USH2A: variants seen among roughly 807,000 people sequenced by gnomAD.
USH2A encodes usherin.
USH2A carries 443 observed loss-of-function variants against 538.9 expected under a neutral mutation model. The observed-to-expected ratio is 0.82, with a 90% confidence interval of 0.76 to 0.89. The LOEUF (loss-of-function observed/expected upper bound fraction) is 0.89, where lower values mean the gene tolerates loss of function less well. USH2A is among the 40% of genes least tolerant of loss of function. USH2A has a pLI of 0.00. For missense variants in USH2A, 6,633 were observed against 6,324.8 expected (o/e 1.05, Z -1.65); for synonymous variants, 2,413 against 2,273.5 (o/e 1.06, Z -1.75).
At chr1:216,143,388 A>T (rs1407362776) in intron 21 of USH2A, among the ~76,000 whole-genome samples, 1 of 152,190 alleles carries the variant, frequency 6.6e-6, no homozygotes, top group Non-Finnish European at 1.5e-5. Context: ...TTTTAGTCAC[A>T]GTACTTAGGG....
At chr1:216,402,368 A>G (rs2039320760) in intron 3 of USH2A, among the ~76,000 whole-genome samples, 2 of 152,154 alleles carry the variant, frequency 1.3e-5, no homozygotes, top group Admixed American at 6.5e-5. Context: ...GGAAATTTCA[A>G]AAACATAGAA....
At chr1:216,305,193 G>A (rs943673527) in intron 9 of USH2A, among the ~76,000 whole-genome samples, 1 of 152,012 alleles carries the variant, frequency 6.6e-6, no homozygotes, top group Non-Finnish European at 1.5e-5. Context: ...AAATCTGGGA[G>A]CTCTGGAGTT....
At chr1:215,858,710 T>C (rs1664238023) in intron 44 of USH2A, among the ~76,000 whole-genome samples, 1 of 152,066 alleles carries the variant, frequency 6.6e-6, no homozygotes, top group African/African-American at 2.4e-5. Context: ...TATTAAATGT[T>C]ATTTTTAGTT....
At chr1:216,361,754 A>G (rs1571740654) in intron 4 of USH2A, among the ~76,000 whole-genome samples, 2 of 152,310 alleles carry the variant, frequency 1.3e-5, no homozygotes, top group African/African-American at 4.8e-5. Flanking sequence ...AAATCCTCAA[A>G]TGTTGCTTGT....
Position 216,230,229 on chromosome 1 carries a change from G to A in USH2A, c.2993+1724C>T, listed in dbSNP as rs549606195. ...AAACCAGCCCAAGAGTTCCAACTGGGGAATCTGTAGAATATTATTTCAAAA... is the reference window on the plus strand; with the variant it reads ...AAACCAGCCCAAGAGTTCCAACTGGAGAATCTGTAGAATATTATTTCAAAA... On this transcript the variant is annotated intron_variant, in intron 14 of 71. Transcript: ENST00000307340. 5.3e-5 allele frequency among the ~76,000 whole-genome samples: 8 copies of A among 152,224 alleles called. No homozygotes were observed. The East Asian group carries it at 1.5e-3, about 29-fold the overall frequency.
intron 43 of USH2A, among the ~76,000 whole-genome samples, chr1:215,868,406 A>T (rs1189481442): frequency 3.9e-5 from 6 of 152,156 alleles, no homozygotes; most frequent in Non-Finnish European, 8.8e-5. Context: ...CTCTATTGTA[A>T]TTACAGGTAA....
rs1222644764 is a variant in USH2A, at chr1:216,323,699, T to C, written c.1329-4A>G. The C allele has an allele frequency of 1.2e-6, 2 of 1,612,842 alleles. No individual in the cohort carries two copies. The highest frequency in any genetic ancestry group is 2.7e-5 in the African/African-American group (2 of 74,870). ...GCCACGGGAATATGGAGTAAAACTG[T>C]TAATGAAAGAAATTCGATGTCATGA... is the stretch of plus-strand genomic sequence containing the variant. On this transcript the variant is annotated splice_region_variant and splice_polypyrimidine_tract_variant and intron_variant, in intron 7 of 71. Coordinates refer to ENST00000307340, the MANE Select transcript of USH2A (RefSeq NM_206933.4).
At chr1:216,142,499 G>T (rs528030717) in intron 21 of USH2A, among the ~76,000 whole-genome samples, 10 of 152,196 alleles carry the variant, frequency 6.6e-5, no homozygotes, top group African/African-American at 2.4e-4. Context: ...TGAAGAGTTG[G>T]CTTTTAGTCC....
intron 11 of USH2A, among the ~76,000 whole-genome samples, chr1:216,276,646 G>T (rs146017441): frequency 6.6e-6 from 1 of 152,228 alleles, no homozygotes; most frequent in African/African-American, 2.4e-5. Context: ...AAAAGAAGGG[G>T]GTTTGTTGGA....
intron 11 of USH2A, among the ~76,000 whole-genome samples, chr1:216,255,163 T>G (rs2036236639): frequency 6.6e-6 from 1 of 152,196 alleles, no homozygotes; most frequent in Non-Finnish European, 1.5e-5. Context: ...TAAATTTGGG[T>G]CTTGCCTGAA....
At chr1:216,061,678 A>T (rs982811888) in intron 30 of USH2A, among the ~76,000 whole-genome samples, 2 of 152,198 alleles carry the variant, frequency 1.3e-5, no homozygotes, top group Admixed American at 6.5e-5. Flanking sequence ...TCCCCAGTTG[A>T]CTCAGTATAC....
chr1:216,300,562 T>C (rs910416712), intron 9 of USH2A, among the ~76,000 whole-genome samples: 3 of 152,206 alleles, frequency 2.0e-5, no homozygotes, highest in Non-Finnish European at 4.4e-5. Flanking sequence ...AAGACACTGA[T>C]GAAATTTATT....
intron 13 of USH2A, among the ~76,000 whole-genome samples, chr1:216,243,343 C>A (rs2035972143): frequency 2.0e-5 from 3 of 152,270 alleles, no homozygotes; most frequent in South Asian, 4.2e-4. Context: ...TCATTAAAAG[C>A]ATCTATTCGG....
At chr1:216,311,586 G>A (rs151093186) in intron 9 of USH2A, among the ~76,000 whole-genome samples, 2,213 of 152,168 alleles carry the variant, frequency 0.015, 51 homozygotes, top group African/African-American at 0.05. Context: ...GGAGAGGGGC[G>A]CGGTGGGGTT....
At chr1:215,707,408 G>T (rs1451679726) in intron 61 of USH2A, among the ~76,000 whole-genome samples, 2 of 152,108 alleles carry the variant, frequency 1.3e-5, no homozygotes, top group Non-Finnish European at 2.9e-5. Flanking sequence ...TTCTGAGCTA[G>T]ATTTCTAACA....
At chr1:216,413,091 C>T (rs769293156) in intron 3 of USH2A, among the ~76,000 whole-genome samples, 14 of 151,668 alleles carry the variant, frequency 9.2e-5, no homozygotes, top group Non-Finnish European at 1.8e-4. Context: ...TTTGAATAAC[C>T]CAAAACTATT....
In USH2A at chr1:216,046,598, G is replaced by C. The variant is rs779592824; in HGVS notation, c.6164-6C>G. On this transcript the variant is annotated splice_region_variant and splice_polypyrimidine_tract_variant and intron_variant, in intron 31 of 71. Coordinates refer to ENST00000307340, the MANE Select transcript of USH2A (RefSeq NM_206933.4). ...TGGCTGAACCTCTTGTGGGGCTGTG[G>C]AAGAAAAGATTTATAGAGTCTAATT... 6.2e-7 allele frequency: 1 copy of C among 1,613,658 alleles called. No homozygotes were observed. The highest frequency in any genetic ancestry group is 1.7e-5 in the Admixed American group (1 of 59,984).
chr1:215,932,003 T>G (rs957301653), intron 38 of USH2A, among the ~76,000 whole-genome samples: 2 of 151,984 alleles, frequency 1.3e-5, no homozygotes, highest in Admixed American at 6.6e-5. Flanking sequence ...TCATATTTGA[T>G]AGCAAATATT....
intron 58 of USH2A, among the ~76,000 whole-genome samples, chr1:215,758,140 G>T (rs2102740557): frequency 6.6e-6 from 1 of 152,122 alleles, no homozygotes; most frequent in East Asian, 1.9e-4. Flanking sequence ...TACAAAATTA[G>T]CCGGGCATGG....
Sources: gnomAD v4.1 joint callset for allele counts (sites outside exome capture counted in the v4.1 genomes callset) on GRCh38, gnomAD v4.1.1 for gene constraint, MANE v1.5 for transcripts, NCBI Gene and HGNC (gene_info 2026-07-23, HGNC 2026-07-21) for gene names.